GPR137C: variants seen among roughly 807,000 people sequenced by gnomAD.
GPR137C encodes the protein integral membrane protein GPR137C.
A neutral mutation model predicts 43.4 loss-of-function variants in GPR137C; 27 were observed. That is an observed-to-expected ratio of 0.62 (90% CI 0.46 to 0.86). The LOEUF (loss-of-function observed/expected upper bound fraction) is 0.86. Ranked by LOEUF, GPR137C falls within the 40% of genes least tolerant of loss-of-function variation. The pLI is 0.00. For synonymous variants in GPR137C, 285 were observed against 226.9 expected (o/e 1.26, Z -2.30); for missense variants, 522 against 534.6 (o/e 0.98, Z 0.23).
intron 1 of GPR137C, among the ~76,000 whole-genome samples, chr14:52,566,062 A>G (rs1031998512): frequency 4.6e-5 from 7 of 152,318 alleles, no homozygotes; most frequent in African/African-American, 1.7e-4. Flanking sequence ...CTAATACAGT[A>G]TCTCAATTCT....
intron 3 of GPR137C, among the ~76,000 whole-genome samples, chr14:52,631,788 A>G (rs548131931): frequency 6.6e-6 from 1 of 152,264 alleles, no homozygotes; most frequent in East Asian, 1.9e-4. Context: ...AAGTGTATCA[A>G]ATGAACTAAT....
intron 3 of GPR137C, among the ~76,000 whole-genome samples, chr14:52,627,032 A>G (rs1045030634): frequency 5.9e-5 from 9 of 152,162 alleles, no homozygotes; most frequent in East Asian, 5.8e-4. Context: ...TAAGATGGCA[A>G]TTCTCCCCTA....
At chr14:52,556,136 G>T (rs894224783) in intron 1 of GPR137C, among the ~76,000 whole-genome samples, 1 of 152,026 alleles carries the variant, frequency 6.6e-6, no homozygotes, top group African/African-American at 2.4e-5. Context: ...TTTTTGAATA[G>T]TCGTGTGTCT....
intron 3 of GPR137C, among the ~76,000 whole-genome samples, chr14:52,602,705 A>G (rs2038940733): frequency 6.6e-6 from 1 of 152,046 alleles, no homozygotes; most frequent in African/African-American, 2.4e-5. Flanking sequence ...CCAACTCTAA[A>G]ATAAAATTTA....
rs760894529 is a variant in GPR137C at position 52,553,364 on chromosome 14, C to G, written c.217C>G (p.Leu73Val). Residue 73 changes from leucine (L) to valine (V), a missense_variant, in exon 1 of 7, where the codon CTG (leucine) becomes GTG (valine). This residue lies in a region of GPR137C where 437 missense variants were observed against 425.7 expected (regional missense o/e 1.03). Transcript: ENST00000321662. ...CTACCTGCAGCTGTGGCGGCTGCTC[C>G]TGTACCGCGAGCGGCGGCTGAGTTA... ...FAYLQLWRLL[L>V]YRERRLSYQS... The G allele has an allele frequency of 2.5e-6, 4 of 1,604,286 alleles. No individual in the cohort carries two copies. Among genetic ancestry groups the G allele is most frequent in the Non-Finnish European group, 3.4e-6 (4 of 1,179,062 alleles).
intron 3 of GPR137C, among the ~76,000 whole-genome samples, chr14:52,628,617 A>G (rs1566626785): frequency 6.6e-6 from 1 of 152,048 alleles, no homozygotes; most frequent in Non-Finnish European, 1.5e-5. Context: ...CCAACATGGT[A>G]AAACTCCGTC....
intron 1 of GPR137C, among the ~76,000 whole-genome samples, chr14:52,569,577 AC>A (rs1035499570): frequency 7.2e-5 from 11 of 151,890 alleles, no homozygotes; most frequent in African/African-American, 2.2e-4. Context: ...AGCCAGAATA[AC>A]CAGTTTAGAG....
At chr14:52,578,996 G>T (rs192532741) in intron 1 of GPR137C, among the ~76,000 whole-genome samples, 15 of 151,844 alleles carry the variant, frequency 9.9e-5, no homozygotes, top group African/African-American at 3.6e-4. Flanking sequence ...AGATATGTAC[G>T]CTCTGAGCTT....
chr14:52,589,809 C>T (rs151157495), intron 1 of GPR137C, among the ~76,000 whole-genome samples: 23 of 152,244 alleles, frequency 1.5e-4, no homozygotes, highest in Non-Finnish European at 2.2e-4. Flanking sequence ...GCCATTGTAA[C>T]GTCATAGCAC....
rs1166650672 is a variant in GPR137C, at chr14:52,556,301, AAAAC to A, written c.444+2715_444+2718del. 1.9e-4 allele frequency among the ~76,000 whole-genome samples: 29 copies of A among 152,218 alleles called. No individual in the cohort carries two copies. In the East Asian group the frequency reaches 4.2e-3, roughly 22 times the overall value. ...AGAATCGTGGATCAGTATAAAAAGT[AAAAC>A]AAACTCTACTACTTTGAATACATTT... is the stretch of plus-strand genomic sequence containing the variant. On this transcript the variant is annotated intron_variant, in intron 1 of 6. Transcript: ENST00000321662.
intron 3 of GPR137C, among the ~76,000 whole-genome samples, chr14:52,624,162 C>T (rs2039193192): frequency 6.8e-6 from 1 of 148,028 alleles, no homozygotes; most frequent in East Asian, 2.0e-4. Context: ...TCATGGTATA[C>T]GTATTCTTGT....
intron 1 of GPR137C, among the ~76,000 whole-genome samples, chr14:52,581,801 A>G (rs1317785973): frequency 6.6e-6 from 1 of 152,192 alleles, no homozygotes; most frequent in East Asian, 1.9e-4. Context: ...TTTTGCATCA[A>G]TTTCAAATTT....
chr14:52,633,600 T>A lies in GPR137C; in HGVS notation c.938T>A (p.Val313Glu). 1 of 1,613,122 alleles carries A rather than the reference T, an allele frequency of 6.2e-7. No homozygotes were observed. Among genetic ancestry groups the A allele is most frequent in the Non-Finnish European group, 8.5e-7 (1 of 1,179,282 alleles). Residue 313 changes from valine to glutamate, a missense_variant, in exon 5 of 7, where the codon GTG becomes GAG. Val to Glu is a moderately radical substitution (Grantham distance 121). Coordinates refer to ENST00000321662, the MANE Select transcript of GPR137C (RefSeq NM_001099652.2). ...FGMVLFLWEHVPAWSVVLFFR... is the reference protein window; with the variant it reads ...FGMVLFLWEHEPAWSVVLFFR... Reference sequence around the variant, plus strand: ...ATGGTCCTCTTTCTGTGGGAACATGTGCCAGCATGGTCGGTGGTACTGTTT... The same window carrying A: ...ATGGTCCTCTTTCTGTGGGAACATGAGCCAGCATGGTCGGTGGTACTGTTT...
intron 1 of GPR137C, among the ~76,000 whole-genome samples, chr14:52,594,464 A>G (rs542614914): frequency 6.6e-6 from 1 of 152,252 alleles, no homozygotes; most frequent in Non-Finnish European, 1.5e-5. Context: ...GTCTCTTTGT[A>G]GATCTCTAAG....
At chr14:52,569,939 G>A (rs544289096) in intron 1 of GPR137C, among the ~76,000 whole-genome samples, 2 of 152,136 alleles carry the variant, frequency 1.3e-5, no homozygotes, top group East Asian at 1.9e-4. Flanking sequence ...TATTATCCAC[G>A]AGAACGTCCC....
At chr14:52,555,788 T>C (rs1408473094) in intron 1 of GPR137C, among the ~76,000 whole-genome samples, 2 of 152,200 alleles carry the variant, frequency 1.3e-5, no homozygotes, top group African/African-American at 2.4e-5. Flanking sequence ...CCTTTCTTTT[T>C]ATAATGAAAT....
chr14:52,586,086 C>G (rs1284554742), intron 1 of GPR137C, among the ~76,000 whole-genome samples: 1 of 152,148 alleles, frequency 6.6e-6, no homozygotes, highest in Non-Finnish European at 1.5e-5. Flanking sequence ...CAAATCTTCA[C>G]CAGGGAGAGA....
chr14:52,579,324 T>TGAA (rs2038610301), intron 1 of GPR137C, among the ~76,000 whole-genome samples: 1 of 152,188 alleles, frequency 6.6e-6, no homozygotes, highest in Non-Finnish European at 1.5e-5. Context: ...AATACCCAGA[T>TGAA]ATCTGCCAGG....
Position 52,601,342 on chromosome 14 carries a change from C to T in GPR137C, c.717+1001C>T, listed in dbSNP as rs969976448. Among the ~76,000 whole-genome samples, 8 of 151,994 alleles carry T rather than the reference C, an allele frequency of 5.3e-5. No individual in the cohort carries two copies. The East Asian group carries it at 7.7e-4, about 15-fold the overall frequency. ...AAATATTTTTAGGCTTCTATATTTT[C>T]GTTATCCTTAATATAGTCCTAGTAA... On this transcript the variant is annotated intron_variant, in intron 3 of 6. Transcript: ENST00000321662.
Sources: allele counts gnomAD v4.1 joint callset (sites outside exome capture counted in the v4.1 genomes callset), GRCh38; gene constraint gnomAD v4.1.1; regional missense constraint gnomAD v4.1.1; transcripts MANE v1.5; gene names NCBI Gene and HGNC (gene_info 2026-07-23, HGNC 2026-07-21).